The following CDH9 variants were observed in gnomAD, a reference collection of about 807,000 sequenced individuals.
CDH9 encodes the protein cadherin 9.
CDH9 carries 28 observed loss-of-function variants against 70.9 expected under a neutral mutation model. The ratio of observed to expected loss-of-function variants is 0.40; its 90% confidence interval spans 0.29 to 0.54. The LOEUF (loss-of-function observed/expected upper bound fraction) is 0.54. Ranked by LOEUF, CDH9 falls within the 20% of genes least tolerant of loss-of-function variation. The pLI is 0.59. For missense variants in CDH9, 874 were observed against 984.4 expected (o/e 0.89, Z 1.50); for synonymous variants, 409 against 343.1 (o/e 1.19, Z -2.12).
At chr5:26,905,813 T>G (rs951706686) in intron 5 of CDH9, 146 bp downstream of exon 5, 129 of 442,344 alleles carry the variant, frequency 2.9e-4, no homozygotes, top group African/African-American at 8.8e-4. Flanking sequence ...GAAATTGTGT[T>G]TTTTTTTTGG....
At chr5:26,977,217 TCAAA>T (rs905096137) in intron 2 of CDH9, among the ~76,000 whole-genome samples, 4 of 151,972 alleles carry the variant, frequency 2.6e-5, no homozygotes, top group Non-Finnish European at 5.9e-5. Flanking sequence ...TTCTTTATTC[TCAAA>T]CAGTTTCTCA....
intron 2 of CDH9, among the ~76,000 whole-genome samples, chr5:26,965,637 T>C (rs1265972837): frequency 1.3e-5 from 2 of 151,040 alleles, no homozygotes; most frequent in Non-Finnish European, 2.9e-5. Flanking sequence ...GATACATTTA[T>C]GAGCTTTATG....
chr5:26,960,086 C>T (rs188571208), intron 2 of CDH9, among the ~76,000 whole-genome samples: 2 of 151,930 alleles, frequency 1.3e-5, no homozygotes, highest in African/African-American at 2.4e-5. Flanking sequence ...TTTTTCTCTT[C>T]TATTATGAAA....
At chr5:26,906,515 A>G (rs888668188) in intron 4 of CDH9, among the ~76,000 whole-genome samples, 1 of 152,202 alleles carries the variant, frequency 6.6e-6, no homozygotes, top group Non-Finnish European at 1.5e-5. Flanking sequence ...AACCCAATGA[A>G]TAATAGTTTA....
chr5:27,007,653 T>A (rs1352514759), intron 1 of CDH9, among the ~76,000 whole-genome samples: 2 of 152,132 alleles, frequency 1.3e-5, no homozygotes, highest in Admixed American at 1.3e-4. Context: ...AAAATAGACC[T>A]ATGAAATACT....
At chr5:26,890,907 C>T (rs1396115869) in intron 7 of CDH9, 2 of 185,444 alleles carry the variant, frequency 1.1e-5, no homozygotes, top group African/African-American at 4.7e-5. Flanking sequence ...TAATGTTAAA[C>T]TTGACTGAGT....
chr5:26,981,101 G>T (rs943084439), intron 2 of CDH9, among the ~76,000 whole-genome samples: 2 of 151,990 alleles, frequency 1.3e-5, no homozygotes, highest in Admixed American at 6.6e-5. Flanking sequence ...AATGCCATTG[G>T]CTAATATGTA....
At chr5:27,023,991 G>A (rs1743181856) in intron 1 of CDH9, among the ~76,000 whole-genome samples, 1 of 151,880 alleles carries the variant, frequency 6.6e-6, no homozygotes, top group South Asian at 2.1e-4. Flanking sequence ...GGCTGAGGTT[G>A]CAGTGAGCCC....
At chr5:27,019,553 T>C (rs991888000) in intron 1 of CDH9, among the ~76,000 whole-genome samples, 1 of 151,846 alleles carries the variant, frequency 6.6e-6, no homozygotes, top group African/African-American at 2.4e-5. Context: ...TGTGAGCAGG[T>C]TGAGGTAATG....
At chr5:26,925,931 G>C (rs916315533) in intron 2 of CDH9, among the ~76,000 whole-genome samples, 1 of 151,998 alleles carries the variant, frequency 6.6e-6, no homozygotes, top group African/African-American at 2.4e-5. Flanking sequence ...AGGTATTGAT[G>C]GAACGTATCT....
intron 1 of CDH9, among the ~76,000 whole-genome samples, chr5:27,008,552 A>G (rs1355925310): frequency 6.6e-6 from 1 of 152,126 alleles, no homozygotes; most frequent in Non-Finnish European, 1.5e-5. Context: ...ATATAAAATT[A>G]CAGTCTTTTT....
chr5:26,944,493 T>C (rs1225717255), intron 2 of CDH9, among the ~76,000 whole-genome samples: 1 of 151,930 alleles, frequency 6.6e-6, no homozygotes. Context: ...CCCCCCAAAC[T>C]TTTAAAAACA....
chr5:26,958,327 A>T lies in CDH9; in HGVS notation c.228+29779T>A, dbSNP rs565000152. Among the ~76,000 whole-genome samples, 14 of 152,296 alleles carry T rather than the reference A, an allele frequency of 9.2e-5. No homozygotes were observed. In the South Asian group the frequency reaches 2.9e-3, roughly 32 times the overall value. On this transcript the variant is annotated intron_variant, in intron 2 of 11. Transcript: ENST00000231021. ...ATTGTGAAAGAGACGGTTTGTATCC[A>T]AATTGAAATAAGGCATATGCTTTCT...
At chr5:26,950,672 A>C (rs893150211) in intron 2 of CDH9, among the ~76,000 whole-genome samples, 3 of 152,250 alleles carry the variant, frequency 2.0e-5, no homozygotes, top group Non-Finnish European at 4.4e-5. Context: ...TGACATCAAC[A>C]TACATAGAAA....
intron 1 of CDH9, among the ~76,000 whole-genome samples, chr5:27,011,366 G>A (rs1011519191): frequency 6.6e-6 from 1 of 151,984 alleles, no homozygotes; most frequent in South Asian, 2.1e-4. Flanking sequence ...ATATTACTGG[G>A]GTTCTTAAAA....
intron 1 of CDH9, among the ~76,000 whole-genome samples, chr5:27,023,182 T>C (rs886768410): frequency 4.6e-5 from 7 of 152,054 alleles, no homozygotes; most frequent in South Asian, 4.1e-4. Flanking sequence ...ATACTAATGG[T>C]GTAATGTATA....
At chr5:27,001,867 CT>C (rs1742776923) in intron 1 of CDH9, among the ~76,000 whole-genome samples, 2 of 151,774 alleles carry the variant, frequency 1.3e-5, no homozygotes, top group Non-Finnish European at 1.5e-5. Flanking sequence ...CTCTCTCTCT[CT>C]CTCTCTCTCA....
intron 1 of CDH9, among the ~76,000 whole-genome samples, chr5:27,000,316 G>A (rs1356931800): frequency 3.9e-5 from 6 of 152,240 alleles, no homozygotes; most frequent in East Asian, 1.9e-4. Context: ...AAGATGCTAT[G>A]ACATACCTAT....
intron 1 of CDH9, among the ~76,000 whole-genome samples, chr5:27,017,661 T>C (rs1413726974): frequency 6.6e-6 from 1 of 152,018 alleles, no homozygotes; most frequent in Non-Finnish European, 1.5e-5. Context: ...GTCATCAAGT[T>C]TCACATAAAG....
Sources: gnomAD v4.1 joint callset for allele counts (sites outside exome capture counted in the v4.1 genomes callset) on GRCh38, gnomAD v4.1.1 for gene constraint, MANE v1.5 for transcripts, NCBI Gene and HGNC (gene_info 2026-07-23, HGNC 2026-07-21) for gene names.